CLVS1: variants seen among roughly 807,000 people sequenced by gnomAD.
CLVS1 encodes the protein clavesin 1, also known as clavesin-1.
Under a neutral mutation model 33.1 loss-of-function variants are expected in CLVS1, and 10 were observed. The ratio of observed to expected loss-of-function variants is 0.30; its 90% confidence interval spans 0.19 to 0.51. CLVS1 has a LOEUF of 0.51. Among genes scored for constraint, CLVS1 ranks in the 20% least tolerant of loss-of-function variants. The pLI is 0.97. For synonymous variants in CLVS1, 163 were observed against 166.1 expected, an observed-to-expected ratio of 0.98 and a Z score of 0.14; for missense variants, 343 against 433.4, an observed-to-expected ratio of 0.79 and a Z score of 1.85.
At chr8:61,191,460 G>A (rs1807475122) in intron 2 of CLVS1, among the ~76,000 whole-genome samples, 1 of 152,060 alleles carries the variant, frequency 6.6e-6, no homozygotes, top group African/African-American at 2.4e-5. Context: ...TTTGAAAACT[G>A]GTGCAAGACA....
At chr8:61,148,394 A>C (rs1040402843) in intron 2 of CLVS1, among the ~76,000 whole-genome samples, 1 of 152,262 alleles carries the variant, frequency 6.6e-6, no homozygotes, top group African/African-American at 2.4e-5. Flanking sequence ...ACAGTACAAA[A>C]GAACAATATT....
At chr8:61,493,939 G>T (rs909288105) in intron 5 of CLVS1, among the ~76,000 whole-genome samples, 1 of 152,200 alleles carries the variant, frequency 6.6e-6, no homozygotes, top group Non-Finnish European at 1.5e-5. Flanking sequence ...TGGGGTTGGA[G>T]AGCAGCATTC....
At chr8:61,173,066 G>A (rs80178199) in intron 2 of CLVS1, among the ~76,000 whole-genome samples, 5,624 of 152,234 alleles carry the variant, frequency 0.037, 209 homozygotes, top group South Asian at 0.15. Flanking sequence ...TCTGCCTCAT[G>A]TGTCAAGTGC....
intron 1 of CLVS1, among the ~76,000 whole-genome samples, chr8:61,095,963 T>C (rs1379764145): frequency 1.3e-5 from 2 of 152,142 alleles, no homozygotes; most frequent in Non-Finnish European, 2.9e-5. Flanking sequence ...TTTTATTGCA[T>C]CCATATAGAT....
At chr8:60,971,896 C>A in the CLVS1 span, among the ~76,000 whole-genome samples, 1 of 151,978 alleles carries the variant, frequency 6.6e-6, no homozygotes, top group African/African-American at 2.4e-5. Context: ...CTACTGGCTG[C>A]CTCTGTCAGT....
At chr8:61,068,227 GTGTATATATATATATATATA>G (rs1215922245) in intron 1 of CLVS1, among the ~76,000 whole-genome samples, 1 of 88,300 alleles carries the variant, frequency 1.1e-5, no homozygotes, top group Non-Finnish European at 2.4e-5. Context: ...ATGTATGTAT[GTGTATATATATATATATATA>G]TGTATATATA....
chr8:61,108,817 A>G (rs1024387403), intron 1 of CLVS1, among the ~76,000 whole-genome samples: 1 of 152,186 alleles, frequency 6.6e-6, no homozygotes, highest in Admixed American at 6.5e-5. Context: ...CTTTACTGAG[A>G]CAGACAGCCC....
At chr8:61,120,451 G>A (rs1327319924) in intron 1 of CLVS1, among the ~76,000 whole-genome samples, 2 of 130,724 alleles carry the variant, frequency 1.5e-5, no homozygotes, top group Non-Finnish European at 3.2e-5. Context: ...GAGGCGCTCT[G>A]CATTTTAGAG....
upstream of CLVS1, among the ~76,000 whole-genome samples, chr8:61,056,949 G>T (rs1244643096): frequency 6.6e-6 from 1 of 152,116 alleles, no homozygotes; most frequent in Non-Finnish European, 1.5e-5. Flanking sequence ...TCAGAATGGT[G>T]GTGCCTCTGC....
chr8:61,335,037 T>C (rs1811746088), intron 2 of CLVS1, among the ~76,000 whole-genome samples: 1 of 152,148 alleles, frequency 6.6e-6, no homozygotes, highest in Non-Finnish European at 1.5e-5. Flanking sequence ...CATAGGGAGT[T>C]GGAGCAGTCT....
At chr8:61,202,404 T>G (rs1258160390) in intron 2 of CLVS1, 10 of 764,172 alleles carry the variant, frequency 1.3e-5, no homozygotes, top group Non-Finnish European at 2.2e-5. Context: ...AGAACTATCT[T>G]TTTGGTTGTG....
intron 3 of CLVS1, among the ~76,000 whole-genome samples, chr8:61,387,220 T>A (rs1814119446): frequency 6.6e-6 from 1 of 152,016 alleles, no homozygotes; most frequent in African/African-American, 2.4e-5. Flanking sequence ...AAACTCCATC[T>A]CTACTAAAAT....
chr8:61,270,063 G>T (rs1563470794), intron 2 of CLVS1, among the ~76,000 whole-genome samples: 1 of 152,092 alleles, frequency 6.6e-6, no homozygotes, highest in Admixed American at 6.5e-5. Context: ...GAATAGGAGT[G>T]GTGAGAGAGG....
chr8:61,383,989 A>C (rs1349572997), intron 3 of CLVS1, among the ~76,000 whole-genome samples: 2 of 152,230 alleles, frequency 1.3e-5, no homozygotes, highest in African/African-American at 4.8e-5. Flanking sequence ...GACATGTACC[A>C]AGCTAATAAA....
chr8:61,485,766 TA>T (rs1803856783), intron 5 of CLVS1, among the ~76,000 whole-genome samples: 1 of 152,198 alleles, frequency 6.6e-6, no homozygotes, highest in Non-Finnish European at 1.5e-5. Context: ...TATGCAGCCA[TA>T]AAAAATGATG....
chr8:61,275,692 C>T (rs779266994), intron 2 of CLVS1, among the ~76,000 whole-genome samples: 17 of 152,216 alleles, frequency 1.1e-4, no homozygotes, highest in South Asian at 4.2e-4. Flanking sequence ...GCTCATTTCG[C>T]GCAATGAAGA....
chr8:61,251,057 T>C (rs1421640958), intron 2 of CLVS1, among the ~76,000 whole-genome samples: 1 of 152,244 alleles, frequency 6.6e-6, no homozygotes, highest in Non-Finnish European at 1.5e-5. Context: ...GGGTTTGTCA[T>C]AAATAACTCT....
chr8:61,387,910 A>G (rs1323396981), intron 3 of CLVS1, among the ~76,000 whole-genome samples: 1 of 152,148 alleles, frequency 6.6e-6, no homozygotes, highest in Non-Finnish European at 1.5e-5. Context: ...ATATTTTTGC[A>G]ATTGCAAATT....
intron 1 of CLVS1, among the ~76,000 whole-genome samples, chr8:61,075,215 T>C (rs935535147): frequency 6.6e-6 from 1 of 152,140 alleles, no homozygotes; most frequent in Non-Finnish European, 1.5e-5. Flanking sequence ...AGGTGGCTAT[T>C]TTCACGTAGC....
Sources: allele counts gnomAD v4.1 joint callset (sites outside exome capture counted in the v4.1 genomes callset), GRCh38; gene constraint gnomAD v4.1.1; transcripts MANE v1.5; gene names NCBI Gene and HGNC (gene_info 2026-07-23, HGNC 2026-07-21).